The following NTNG2 variants were observed in gnomAD, a reference collection of about 807,000 sequenced individuals.
NTNG2 encodes the protein netrin G2, also known as netrin-G2.
Under a neutral mutation model 47.6 loss-of-function variants are expected in NTNG2, and 15 were observed. The observed-to-expected ratio is 0.32, with a 90% CI of 0.21 to 0.49. NTNG2 has a LOEUF of 0.49. NTNG2 is among the 20% of genes least tolerant of loss of function. The pLI is 0.99. For synonymous variants in NTNG2, 307 were observed against 324.6 expected, an observed-to-expected ratio of 0.95 and a Z score of 0.58; for missense variants, 578 against 764.6, an observed-to-expected ratio of 0.76 and a Z score of 2.88.
chr9:132,224,788 T>C (rs1840611676), intron 3 of NTNG2, among the ~76,000 whole-genome samples: 1 of 152,216 alleles, frequency 6.6e-6, no homozygotes, highest in African/African-American at 2.4e-5. Flanking sequence ...CAAAAGAAGA[T>C]GGTGTCTGCC....
intron 2 of NTNG2, among the ~76,000 whole-genome samples, chr9:132,174,921 C>A (rs1372672168): frequency 4.1e-5 from 6 of 147,082 alleles, no homozygotes; most frequent in South Asian, 2.2e-4. Context: ...GACTCTGTCT[C>A]AAAAAAAAAA....
chr9:132,241,843 AC>A (rs1554797643), intron 7 of NTNG2, 32 bp from the exon 8 acceptor site: 17 of 1,462,040 alleles, frequency 1.2e-5, no homozygotes, highest in East Asian at 5.4e-5. Context: ...GGACCGGGCC[AC>A]CCCCCGTGCT....
chr9:132,220,383 C>CT (rs974684477), intron 3 of NTNG2, among the ~76,000 whole-genome samples: 26 of 150,654 alleles, frequency 1.7e-4, no homozygotes, highest in African/African-American at 5.8e-4. Flanking sequence ...TCTTCTGTTG[C>CT]TTTTGCTTTT....
At chr9:132,169,301 G>A (rs1412792458) in intron 2 of NTNG2, among the ~76,000 whole-genome samples, 1 of 152,248 alleles carries the variant, frequency 6.6e-6, no homozygotes, top group Non-Finnish European at 1.5e-5. Flanking sequence ...ATGAGGACGG[G>A]GAGGCCGCCG....
rs1000283607 is a variant in NTNG2 at position 132,239,214 on chromosome 9, C to T, written c.1165C>T (p.Arg389Trp). 5 of 1,613,780 alleles carry T rather than the reference C, an allele frequency of 3.1e-6. No individual in the cohort carries two copies. Among genetic ancestry groups the T allele is most frequent in the South Asian group, 1.1e-5 (1 of 91,074 alleles). Residue 389 changes from arginine to tryptophan, a missense_variant, in exon 6 of 8, where the codon CGG (arginine) becomes TGG (tryptophan). Transcript: ENST00000393229. Reference protein sequence around the residue: ...NTRGQHCQHCRLGYYRNGSAE... With the variant: ...NTRGQHCQHCWLGYYRNGSAE... ...GCGAGGTCAGCACTGCCAGCACTGC[C>T]GGCTGGGCTACTACCGCAACGGCTC...
At chr9:132,177,038 G>C (rs1015376799) in intron 2 of NTNG2, among the ~76,000 whole-genome samples, 5 of 152,220 alleles carry the variant, frequency 3.3e-5, no homozygotes, top group Non-Finnish European at 5.9e-5. Flanking sequence ...CACCTGGGCT[G>C]GAGTGCAGTG....
At chr9:132,207,735 G>A (rs1430523470) in intron 3 of NTNG2, among the ~76,000 whole-genome samples, 2 of 152,212 alleles carry the variant, frequency 1.3e-5, no homozygotes, top group Non-Finnish European at 2.9e-5. Flanking sequence ...TGGAGGGGCT[G>A]ACGCTCCCGT....
intron 3 of NTNG2, among the ~76,000 whole-genome samples, chr9:132,202,613 G>A (rs1390887835): frequency 1.3e-5 from 2 of 152,212 alleles, no homozygotes; most frequent in Non-Finnish European, 1.5e-5. Flanking sequence ...AGCAAATCTG[G>A]GGCAGAATCT....
chr9:132,196,621 C>T (rs1202652790), intron 2 of NTNG2, among the ~76,000 whole-genome samples: 2 of 152,230 alleles, frequency 1.3e-5, no homozygotes, highest in Non-Finnish European at 2.9e-5. Flanking sequence ...GGGACCACTA[C>T]GTTAGTGACA....
intron 6 of NTNG2, chr9:132,240,537 A>G: frequency 2.7e-6 from 1 of 364,498 alleles, no homozygotes; most frequent in Non-Finnish European, 5.2e-6. Context: ...GCAGCCCCAG[A>G]CATGCTCAGT....
intron 2 of NTNG2, among the ~76,000 whole-genome samples, chr9:132,190,929 G>C (rs1837834088): frequency 6.6e-6 from 1 of 152,142 alleles, no homozygotes; most frequent in South Asian, 2.1e-4. Flanking sequence ...CAGGTGACTT[G>C]CCTATGTGTG....
rs771153100 is a variant in NTNG2 at position 132,166,828 on chromosome 9, A to G, written c.-4A>G. On this transcript the variant is annotated 5_prime_UTR_variant, in exon 2 of 8. Transcript: ENST00000393229. ...TGGGCCGCGCCTCTGCAGACTGCGCAGCCATGCTGCATCTGCTGGCGCTCT... is the reference window on the plus strand; with the variant it reads ...TGGGCCGCGCCTCTGCAGACTGCGCGGCCATGCTGCATCTGCTGGCGCTCT... The G allele has an allele frequency of 2.5e-6, 4 of 1,613,650 alleles. No individual in the cohort carries two copies. The highest frequency in any genetic ancestry group is 3.4e-6 in the Non-Finnish European group (4 of 1,179,934).
intron 3 of NTNG2, among the ~76,000 whole-genome samples, chr9:132,201,809 T>G (rs532625554): frequency 6.6e-6 from 1 of 152,352 alleles, no homozygotes; most frequent in Admixed American, 6.5e-5. Flanking sequence ...GGTTATTGAA[T>G]GGCTCAGATC....
At chr9:132,209,570 G>C (rs570303623) in intron 3 of NTNG2, among the ~76,000 whole-genome samples, 5 of 152,302 alleles carry the variant, frequency 3.3e-5, no homozygotes, top group Admixed American at 2.6e-4. Context: ...CTGTGTCCAT[G>C]CTGCGGCGGG....
chr9:132,190,863 C>T (rs1589423334), intron 2 of NTNG2, among the ~76,000 whole-genome samples: 1 of 152,194 alleles, frequency 6.6e-6, no homozygotes, highest in African/African-American at 2.4e-5. Flanking sequence ...TGGCTGGCTG[C>T]CTTCCCTTCC....
intron 4 of NTNG2, among the ~76,000 whole-genome samples, chr9:132,228,447 A>G (rs1840954224): frequency 6.6e-6 from 1 of 151,892 alleles, no homozygotes; most frequent in South Asian, 2.1e-4. Context: ...GTCTCTCTTT[A>G]GTGGCCGTCA....
chr9:132,172,928 A>C (rs1252046286), intron 2 of NTNG2, among the ~76,000 whole-genome samples: 1 of 151,862 alleles, frequency 6.6e-6, no homozygotes, highest in South Asian at 2.1e-4. Flanking sequence ...ACGGGGTTTC[A>C]CTGTGTTAGC....
chr9:132,220,449 T>C lies in NTNG2; in HGVS notation c.858-6400T>C, dbSNP rs1589509182. 2.0e-5 allele frequency among the ~76,000 whole-genome samples: 3 copies of C among 151,590 alleles called. No individual in the cohort carries two copies. In the South Asian group the frequency reaches 6.3e-4, roughly 32 times the overall value. Reference sequence around the variant, plus strand: ...TCAAGGTCATGAAGATTTGCTGCTATGTTTCCTTCTTCTTTTTTTTTTTTT... The same window carrying C: ...TCAAGGTCATGAAGATTTGCTGCTACGTTTCCTTCTTCTTTTTTTTTTTTT... On this transcript the variant is annotated intron_variant, in intron 3 of 7. Coordinates refer to ENST00000393229, the MANE Select transcript of NTNG2 (RefSeq NM_032536.4).
At chr9:132,216,732 G>A (rs533727158) in intron 3 of NTNG2, among the ~76,000 whole-genome samples, 20 of 152,144 alleles carry the variant, frequency 1.3e-4, no homozygotes, top group Admixed American at 2.6e-4. Context: ...TTCAGAGAGC[G>A]ATCGCTTGGG....
Sources: gnomAD v4.1 joint callset for allele counts (sites outside exome capture counted in the v4.1 genomes callset) on GRCh38, gnomAD v4.1.1 for gene constraint, MANE v1.5 for transcripts, NCBI Gene and HGNC (gene_info 2026-07-23, HGNC 2026-07-21) for gene names.